CFAP95: variants seen among roughly 807,000 people sequenced by gnomAD.
CFAP95 encodes the protein cilia and flagella associated protein 95, also known as cilia- and flagella-associated protein 95.
At chr9:69,839,800 G>A in the CFAP95 span, among the ~76,000 whole-genome samples, 3 of 151,496 alleles carry the variant, frequency 2.0e-5, no homozygotes, top group African/African-American at 7.3e-5. Flanking sequence ...TTTTGGCCAG[G>A]CGCAGTGGCT....
At chr9:69,854,883 A>C in the CFAP95 span, among the ~76,000 whole-genome samples, 5 of 152,342 alleles carry the variant, frequency 3.3e-5, no homozygotes, top group African/African-American at 9.6e-5. Flanking sequence ...GAGTAGGTTG[A>C]TACAACTATC....
chr9:69,844,019 C>A, the CFAP95 span, among the ~76,000 whole-genome samples: 2 of 152,008 alleles, frequency 1.3e-5, no homozygotes, highest in African/African-American at 2.4e-5. Context: ...GAACTGTTTT[C>A]TTCTACCTCA....
the CFAP95 span, among the ~76,000 whole-genome samples, chr9:69,841,507 T>C: frequency 6.6e-6 from 1 of 152,020 alleles, no homozygotes; most frequent in Non-Finnish European, 1.5e-5. Flanking sequence ...GAAGAATTCA[T>C]GGACACAAAT....
the CFAP95 span, among the ~76,000 whole-genome samples, chr9:69,823,985 G>T: frequency 6.6e-6 from 1 of 152,132 alleles, no homozygotes; most frequent in African/African-American, 2.4e-5. Context: ...ATGTGTACGT[G>T]CAGGTCACCG....
chr9:69,895,001 A>ATT, the CFAP95 span, among the ~76,000 whole-genome samples: 1 of 78,646 alleles, frequency 1.3e-5, no homozygotes, highest in Non-Finnish European at 3.0e-5. Context: ...AAAAAAAAAG[A>ATT]AAAAAAAAAA....
chr9:69,824,688 A>T, the CFAP95 span, among the ~76,000 whole-genome samples: 1 of 152,264 alleles, frequency 6.6e-6, no homozygotes, highest in African/African-American at 2.4e-5. Flanking sequence ...AGCTTCATTC[A>T]GGTTTAAATT....
At chr9:69,868,633 G>A in the CFAP95 span, among the ~76,000 whole-genome samples, 1 of 143,844 alleles carries the variant, frequency 7.0e-6, no homozygotes, top group African/African-American at 2.6e-5. Context: ...ACTCCAGCCT[G>A]AGTGACAGAG....
At chr9:69,904,373 AT>A in the CFAP95 span, among the ~76,000 whole-genome samples, 1 of 152,190 alleles carries the variant, frequency 6.6e-6, no homozygotes, top group Non-Finnish European at 1.5e-5. Flanking sequence ...TCGGTATTTT[AT>A]TCCTTTTGTT....
chr9:69,895,887 C>T, the CFAP95 span, among the ~76,000 whole-genome samples: 1 of 152,244 alleles, frequency 6.6e-6, no homozygotes, highest in South Asian at 2.1e-4. Flanking sequence ...TCTCTACCTC[C>T]CAGGCTCAAG....
chr9:69,906,025 T>C, the CFAP95 span: 1 of 1,613,378 alleles, frequency 6.2e-7, no homozygotes. Flanking sequence ...ATCTAAATGG[T>C]TCTAAAAGAT....
the CFAP95 span, chr9:69,844,444 A>G: frequency 6.6e-6 from 6 of 904,130 alleles, no homozygotes; most frequent in Non-Finnish European, 9.8e-6. Flanking sequence ...TCATTGGATA[A>G]TTTTTAAAAA....
chr9:69,874,089 C>T, the CFAP95 span, among the ~76,000 whole-genome samples: 493 of 152,190 alleles, frequency 3.2e-3, 5 homozygotes, highest in African/African-American at 0.011. Context: ...CCTAAATTCC[C>T]GGCATCCTTA....
the CFAP95 span, chr9:69,856,700 A>G: frequency 6.6e-7 from 1 of 1,523,248 alleles, no homozygotes; most frequent in Non-Finnish European, 9.1e-7. Flanking sequence ...TCTTTACTTT[A>G]TAGAATGTGG....
the CFAP95 span, among the ~76,000 whole-genome samples, chr9:69,891,998 TTATCAGCATC>T: frequency 6.6e-6 from 1 of 152,244 alleles, no homozygotes; most frequent in African/African-American, 2.4e-5. Flanking sequence ...GGATATTATA[TTATCAGCATC>T]ATTTCTGGGC....
the CFAP95 span, chr9:69,856,594 T>A: frequency 6.2e-7 from 1 of 1,611,176 alleles, no homozygotes; most frequent in Non-Finnish European, 8.5e-7. Flanking sequence ...GTCACAAATG[T>A]GTTTAAACAC....
At chr9:69,857,040 G>A in the CFAP95 span, among the ~76,000 whole-genome samples, 5 of 151,796 alleles carry the variant, frequency 3.3e-5, no homozygotes, top group Non-Finnish European at 7.4e-5. Flanking sequence ...TGTAAAATGG[G>A]AATTACAAAA....
chr9:69,895,577 G>A, the CFAP95 span, among the ~76,000 whole-genome samples: 1 of 152,016 alleles, frequency 6.6e-6, no homozygotes, highest in Non-Finnish European at 1.5e-5. Flanking sequence ...GACCTTGGTA[G>A]ACATTTAATT....
chr9:69,823,557 T>C, the CFAP95 span, among the ~76,000 whole-genome samples: 1 of 152,154 alleles, frequency 6.6e-6, no homozygotes, highest in Non-Finnish European at 1.5e-5. Context: ...TTACATGAGG[T>C]ATGATATGTA....
the CFAP95 span, among the ~76,000 whole-genome samples, chr9:69,872,426 C>A: frequency 6.6e-6 from 1 of 152,142 alleles, no homozygotes; most frequent in African/African-American, 2.4e-5. Context: ...ATTTATGAGG[C>A]TGATACTAAT....
Sources: allele counts gnomAD v4.1 joint callset (sites outside exome capture counted in the v4.1 genomes callset), GRCh38; gene constraint gnomAD v4.1.1; transcripts MANE v1.5; gene names NCBI Gene and HGNC (gene_info 2026-07-23, HGNC 2026-07-21).